Variants in P2RX3 observed in about 807,000 individuals in gnomAD.
The protein encoded by P2RX3 is P2X purinoceptor 3.
Under a neutral mutation model 51.5 loss-of-function variants are expected in P2RX3, and 41 were observed. That is an observed-to-expected ratio of 0.80 (90% CI 0.62 to 1.03). The LOEUF is 1.03. Among genes scored for constraint, P2RX3 ranks in the 50% least tolerant of loss-of-function variants. The probability of loss-of-function intolerance (pLI) is 0.00; values close to 1 mark genes in which losing one functional copy is unlikely to be tolerated. For missense variants in P2RX3, 459 were observed against 522.1 expected, an observed-to-expected ratio of 0.88 and a Z score of 1.18; for synonymous variants, 185 against 191.6, an observed-to-expected ratio of 0.97 and a Z score of 0.29.
chr11:57,341,470 T>C (rs1460534505), intron 1 of P2RX3, among the ~76,000 whole-genome samples: 1 of 152,076 alleles, frequency 6.6e-6, no homozygotes, highest in Non-Finnish European at 1.5e-5. Context: ...TTGTCTGTGG[T>C]TGACACCATT....
At chr11:57,342,236 T>C (rs1327503236) in intron 1 of P2RX3, among the ~76,000 whole-genome samples, 1 of 139,184 alleles carries the variant, frequency 7.2e-6, no homozygotes, top group Non-Finnish European at 1.5e-5. Context: ...CTCGACTCAC[T>C]GCAACCTCCG....
chr11:57,364,120 A>G (rs1428827521), intron 8 of P2RX3, among the ~76,000 whole-genome samples: 1 of 152,022 alleles, frequency 6.6e-6, no homozygotes, highest in Non-Finnish European at 1.5e-5. Flanking sequence ...AGCAGTAAAG[A>G]TTTCCGGATG....
At chr11:57,356,444 G>A (rs755607606) in intron 8 of P2RX3, among the ~76,000 whole-genome samples, 1 of 152,212 alleles carries the variant, frequency 6.6e-6, no homozygotes, top group Non-Finnish European at 1.5e-5. Flanking sequence ...CGCAGTTTTG[G>A]ATTTCCTCTT....
intron 5 of P2RX3, 23 bp downstream of exon 5, chr11:57,348,286 A>AG (rs1364750816): frequency 5.1e-6 from 8 of 1,574,102 alleles, no homozygotes; most frequent in Non-Finnish European, 6.0e-6. Context: ...GCCAGACAGG[A>AG]GGAGACAGGC....
intron 7 of P2RX3, 45 bp downstream of exon 7, chr11:57,349,943 C>A: frequency 1.2e-6 from 2 of 1,609,344 alleles, no homozygotes; most frequent in African/African-American, 1.3e-5. Flanking sequence ...TCCCCACCTT[C>A]AGCCCTTTCC....
At chr11:57,339,137 C>G (rs1026938178) in intron 1 of P2RX3, among the ~76,000 whole-genome samples, 24 of 152,102 alleles carry the variant, frequency 1.6e-4, no homozygotes, top group African/African-American at 5.3e-4. Context: ...GCAGGTTGAT[C>G]AAGTTGGTGG....
At chr11:57,344,277 T>C (rs1856393729) in intron 1 of P2RX3, among the ~76,000 whole-genome samples, 1 of 152,142 alleles carries the variant, frequency 6.6e-6, no homozygotes, top group Non-Finnish European at 1.5e-5. Flanking sequence ...CCAGTAATAC[T>C]ACTGAAAAAA....
At chr11:57,355,334 C>CTTTTTTTTTTTTTTTTTTTTTTTTTTT (rs1201675322) in intron 8 of P2RX3, among the ~76,000 whole-genome samples, 1 of 117,344 alleles carries the variant, frequency 8.5e-6, no homozygotes. Flanking sequence ...TATTTTATTT[C>CTTTTTTTTTTTTTTTTTTTTTTTTTTT]TTTTTTTTTT....
Position 57,348,079 on chromosome 11 carries a change from G to T in P2RX3, c.392-91G>T, listed in dbSNP as rs553883777. The T allele has an allele frequency of 1.7e-4, 191 of 1,155,762 alleles. No homozygotes were observed. The African/African-American group carries it at 1.8e-3, about 11-fold the overall frequency. 71.6% of individuals were successfully genotyped at this position (1,155,762 alleles called of 1,614,324 possible). On this transcript the variant is annotated intron_variant, in intron 4 of 11. Coordinates refer to ENST00000263314, the MANE Select transcript of P2RX3 (RefSeq NM_002559.5). ...CCTGCTCTTTTCCCCCACTTGCCAG[G>T]GTCCCTGATGGGGGGAAGGGAAGAG... is the stretch of plus-strand genomic sequence containing the variant.
At chr11:57,349,708 C>G (rs753228859) in intron 6 of P2RX3, 49 bp from the exon 7 acceptor site, 1 of 1,611,000 alleles carries the variant, frequency 6.2e-7, no homozygotes, top group Non-Finnish European at 8.5e-7. Flanking sequence ...TTGCACAAGA[C>G]GATCTTCCCA....
At chr11:57,347,605 TC>T in intron 4 of P2RX3, 127 bp downstream of exon 4, 1 of 1,077,958 alleles carries the variant, frequency 9.3e-7, no homozygotes, top group African/African-American at 1.6e-5. Flanking sequence ...TTACAGTTGC[TC>T]CCTGGGTGCC....
At chr11:57,348,862 C>T (rs563236130) in intron 6 of P2RX3, among the ~76,000 whole-genome samples, 158 bp downstream of exon 6, 1 of 152,314 alleles carries the variant, frequency 6.6e-6, no homozygotes, top group Non-Finnish European at 1.5e-5. Context: ...TCCCAGCGGG[C>T]CTTGGCCACT....
At chr11:57,345,625 C>T (rs574563074) in intron 1 of P2RX3, among the ~76,000 whole-genome samples, 6 of 151,770 alleles carry the variant, frequency 4.0e-5, no homozygotes, top group Non-Finnish European at 5.9e-5. Flanking sequence ...CTGTGATTGG[C>T]GATTTCAAAT....
chr11:57,367,108 G>A (rs976859284), intron 8 of P2RX3, among the ~76,000 whole-genome samples: 1 of 151,752 alleles, frequency 6.6e-6, no homozygotes, highest in Non-Finnish European at 1.5e-5. Context: ...ACAACAATGG[G>A]TTTCCTGAGT....
At chr11:57,355,240 A>T (rs1856609836) in intron 8 of P2RX3, among the ~76,000 whole-genome samples, 1 of 152,060 alleles carries the variant, frequency 6.6e-6, no homozygotes, top group South Asian at 2.1e-4. Flanking sequence ...TATGCCCCCG[A>T]TGAAAATGGG....
intron 4 of P2RX3, 105 bp from the exon 5 acceptor site, chr11:57,348,065 C>T: frequency 9.7e-7 from 1 of 1,029,680 alleles, no homozygotes. Context: ...CTGCTCTTTT[C>T]CCCCACTTGC....
chr11:57,341,652 G>A (rs1856342660), intron 1 of P2RX3, among the ~76,000 whole-genome samples: 1 of 152,154 alleles, frequency 6.6e-6, no homozygotes, highest in South Asian at 2.1e-4. Context: ...AGAAGTTGAA[G>A]GAAATCCCTA....
At chr11:57,362,830 AT>A (rs1223052870) in intron 8 of P2RX3, among the ~76,000 whole-genome samples, 1 of 150,114 alleles carries the variant, frequency 6.7e-6, no homozygotes, top group Non-Finnish European at 1.5e-5. Context: ...GCTAATAAGC[AT>A]AAGCACTTAG....
chr11:57,341,154 G>T (rs920359636), intron 1 of P2RX3, among the ~76,000 whole-genome samples: 1 of 152,220 alleles, frequency 6.6e-6, no homozygotes, highest in Non-Finnish European at 1.5e-5. Context: ...TGAGATCTGA[G>T]TTGGGAAGAG....
Sources: gnomAD v4.1 joint callset for allele counts (sites outside exome capture counted in the v4.1 genomes callset) on GRCh38, gnomAD v4.1.1 for gene constraint, MANE v1.5 for transcripts, NCBI Gene and HGNC (gene_info 2026-07-23, HGNC 2026-07-21) for gene names.